The following ANK3 variants were observed in gnomAD, a reference collection of about 807,000 sequenced individuals.
The protein encoded by ANK3 is ankyrin 3.
Under a neutral mutation model 370.9 loss-of-function variants are expected in ANK3, and 57 were observed. The observed-to-expected ratio is 0.15, with a 90% confidence interval of 0.12 to 0.19. ANK3 has a LOEUF of 0.19. Among genes scored for constraint, ANK3 ranks in the 10% least tolerant of loss-of-function variants. The pLI is 1.00. For synonymous variants in ANK3, 1,929 were observed against 1,946.3 expected (o/e 0.99, Z 0.23); for missense variants, 4,439 against 5,302.1 (o/e 0.84, Z 5.06).
intron 2 of ANK3, among the ~76,000 whole-genome samples, chr10:60,442,039 C>T (rs765643584): frequency 5.3e-5 from 8 of 152,010 alleles, no homozygotes; most frequent in Admixed American, 3.9e-4. Context: ...GATGCTCACA[C>T]CCCTGATGTA....
intron 2 of ANK3, among the ~76,000 whole-genome samples, chr10:60,396,832 C>T (rs1384841852): frequency 2.6e-5 from 4 of 152,138 alleles, no homozygotes; most frequent in African/African-American, 9.7e-5. Flanking sequence ...CTTATCCTAC[C>T]TAGTTTCTGT....
chr10:60,338,340 C>T (rs1472736527), intron 1 of ANK3, among the ~76,000 whole-genome samples: 1 of 152,176 alleles, frequency 6.6e-6, no homozygotes, highest in African/African-American at 2.4e-5. Flanking sequence ...TTGTTTAAAA[C>T]ACAGATTACT....
At chr10:60,085,082 C>A in intron 31 of ANK3, 75 bp downstream of exon 31, 1 of 1,250,458 alleles carries the variant, frequency 8.0e-7, no homozygotes. Context: ...TAGTATTGAA[C>A]ACAACAATTT....
At chr10:60,092,617 A>G (rs1425200104) in intron 28 of ANK3, among the ~76,000 whole-genome samples, 1 of 152,216 alleles carries the variant, frequency 6.6e-6, no homozygotes, top group African/African-American at 2.4e-5. Context: ...AAAAGTAACT[A>G]TTAGAAAAAA....
Position 60,139,080 on chromosome 10 carries a change from A to G in ANK3, c.2622T>C (p.Asp874=), listed in dbSNP as rs564078262. The G allele has an allele frequency of 6.2e-7, 1 of 1,613,494 alleles. No individual in the cohort carries two copies. The highest frequency in any genetic ancestry group is 8.5e-7 in the Non-Finnish European group (1 of 1,179,710). ...EYISDVEEGE[D]AMTGDTDKYL... ...ATTTGTCTGTGTCCCCGGTCATTGC[A>G]TCTTCACCTGCAGATGTAGAGAGTA... Residue 874 remains aspartate (D), a synonymous_variant, in exon 24 of 44, where the codon GAT becomes GAC. Transcript: ENST00000280772.
intron 43 of ANK3, among the ~76,000 whole-genome samples, chr10:60,038,580 A>C (rs2075539956): frequency 6.6e-6 from 1 of 152,198 alleles, no homozygotes; most frequent in Non-Finnish European, 1.5e-5. Flanking sequence ...AAATATTTGC[A>C]AACTATGTAT....
intron 2 of ANK3, among the ~76,000 whole-genome samples, chr10:60,426,612 G>GA (rs2063893521): frequency 6.6e-6 from 1 of 152,036 alleles, no homozygotes; most frequent in Non-Finnish European, 1.5e-5. Context: ...CAGGGATGTT[G>GA]AAGATAAATG....
chr10:60,541,383 C>T (rs949396325), intron 2 of ANK3, among the ~76,000 whole-genome samples: 1 of 151,790 alleles, frequency 6.6e-6, no homozygotes, highest in Non-Finnish European at 1.5e-5. Context: ...TCAATCTATG[C>T]CTGTGCAGAA....
chr10:60,082,883 C>T, intron 33 of ANK3, 146 bp from the exon 34 acceptor site: 12 of 940,580 alleles, frequency 1.3e-5, no homozygotes, highest in Non-Finnish European at 1.9e-5. Context: ...GATTATGCAG[C>T]AACCGGGGTG....
intron 42 of ANK3, among the ~76,000 whole-genome samples, chr10:60,052,449 T>A (rs1444426389): frequency 6.6e-6 from 1 of 152,176 alleles, no homozygotes; most frequent in Admixed American, 6.5e-5. Flanking sequence ...TGAGAAAGAA[T>A]TTAATGAAGG....
chr10:60,581,646 G>A (rs1273000024), intron 2 of ANK3, among the ~76,000 whole-genome samples: 1 of 151,518 alleles, frequency 6.6e-6, no homozygotes, highest in Non-Finnish European at 1.5e-5. Flanking sequence ...CATCATCTTG[G>A]CCATGCTGGT....
intron 2 of ANK3, among the ~76,000 whole-genome samples, chr10:60,411,929 G>A (rs933426118): frequency 1.3e-5 from 2 of 152,150 alleles, no homozygotes; most frequent in Admixed American, 6.5e-5. Context: ...AATCCCAGCT[G>A]CATACTGCCT....
intron 2 of ANK3, chr10:60,508,538 G>A (rs2075998152): frequency 1.3e-5 from 2 of 152,594 alleles, no homozygotes; most frequent in African/African-American, 4.8e-5. Flanking sequence ...TTTTTGAACT[G>A]CCTTGAGTTT....
intron 2 of ANK3, among the ~76,000 whole-genome samples, chr10:60,556,370 T>C (rs1372373512): frequency 2.6e-5 from 4 of 152,150 alleles, no homozygotes; most frequent in Admixed American, 6.5e-5. Context: ...TGTTGTGTTA[T>C]GGGATGTAAC....
chr10:60,196,539 A>G lies in ANK3; in HGVS notation c.1776T>C (p.Asp592=), dbSNP rs1186685914. The change falls in exon 15 of 44, where the codon GAT becomes GAC. Residue 592 remains aspartate (D), a synonymous_variant. Transcript: ENST00000280772. ...GGTGACCTCTTACCTTCCCAGCAGC[A>G]TCTGGAGATGCACTTTTCTGTAGCA... The part of the protein sequence containing the change: ...NLLLQKSASP[D]AAGKSGLTPL... 3.1e-6 allele frequency: 5 copies of G among 1,612,932 alleles called. No homozygotes were observed. Among genetic ancestry groups the G allele is most frequent in the Non-Finnish European group, 4.2e-6 (5 of 1,179,320 alleles).
chr10:60,511,551 G>C (rs1027095313), intron 2 of ANK3, among the ~76,000 whole-genome samples: 1 of 152,098 alleles, frequency 6.6e-6, no homozygotes, highest in Non-Finnish European at 1.5e-5. Flanking sequence ...CTCACAGAGG[G>C]TATCCTTAAT....
intron 1 of ANK3, among the ~76,000 whole-genome samples, chr10:60,361,830 T>C (rs777956542): frequency 1.3e-3 from 198 of 152,334 alleles, no homozygotes; most frequent in Middle Eastern, 6.8e-3. Context: ...GTTTTGTACA[T>C]AGTTCTTCAG....
At position 60,071,797 on chromosome 10, in the gene ANK3, G is replaced by C; in HGVS notation, c.9084C>G (p.His3028Gln). The C allele has an allele frequency of 2.5e-6, 4 of 1,609,170 alleles. No homozygotes were observed. The highest frequency in any genetic ancestry group is 3.4e-6 in the Non-Finnish European group (4 of 1,177,614). Reference sequence around the variant, plus strand: ...GTGGGCATAAACCTACATAACTCTGGTGTTTGGAAACTTTGCTGATTTCTG... The same window carrying C: ...GTGGGCATAAACCTACATAACTCTGCTGTTTGGAAACTTTGCTGATTTCTG... The part of the protein sequence containing the change: ...TYSEISKVSK[H>Q]QSYVGLCPPL... The change falls in exon 37 of 44, where the codon CAC becomes CAG. Residue 3028 changes from histidine to glutamine, a missense_variant. Coordinates refer to ENST00000280772, the MANE Select transcript of ANK3 (RefSeq NM_020987.5).
intron 2 of ANK3, among the ~76,000 whole-genome samples, chr10:60,563,662 C>T (rs945612106): frequency 5.3e-5 from 8 of 151,950 alleles, no homozygotes; most frequent in Non-Finnish European, 1.0e-4. Flanking sequence ...GATTTTGCCG[C>T]CAAAGAAGTT....
Sources: allele counts gnomAD v4.1 joint callset (sites outside exome capture counted in the v4.1 genomes callset), GRCh38; gene constraint gnomAD v4.1.1; transcripts MANE v1.5; gene names NCBI Gene and HGNC (gene_info 2026-07-23, HGNC 2026-07-21).